Variants in TXNL4A observed in about 807,000 individuals in gnomAD.
The protein encoded by TXNL4A is thioredoxin like 4A.
A neutral mutation model predicts 14.6 loss-of-function variants in TXNL4A; 17 were observed. The ratio of observed to expected loss-of-function variants is 1.16; its 90% CI spans 0.80 to 1.74. TXNL4A has a LOEUF of 1.74. Among genes scored for constraint, TXNL4A ranks in the 40% most tolerant of loss-of-function variants. TXNL4A has a pLI of 0.00. For synonymous variants in TXNL4A, 83 were observed against 70.6 expected (o/e 1.18, Z -0.88); for missense variants, 74 against 195.2 (o/e 0.38, Z 3.70).
At chr18:80,028,676 A>C (rs1325092853) in intron 1 of TXNL4A, among the ~76,000 whole-genome samples, 3 of 152,226 alleles carry the variant, frequency 2.0e-5, no homozygotes, top group Non-Finnish European at 4.4e-5. Context: ...AAGCCAGATC[A>C]TCTCAAGTGG....
chr18:79,974,686 C>A (rs1348460156), intron 2 of TXNL4A, among the ~76,000 whole-genome samples: 2 of 152,056 alleles, frequency 1.3e-5, no homozygotes, highest in Non-Finnish European at 2.9e-5. Flanking sequence ...CCCATGTTGG[C>A]CAGGCTGGTC....
At chr18:80,005,657 G>C (rs1441573207) in intron 1 of TXNL4A, among the ~76,000 whole-genome samples, 9 of 152,210 alleles carry the variant, frequency 5.9e-5, no homozygotes, top group African/African-American at 2.2e-4. Context: ...GCTCACATCT[G>C]TAATCCCAAC....
chr18:79,991,749 T>G (rs2051629690), upstream of TXNL4A, among the ~76,000 whole-genome samples: 1 of 152,240 alleles, frequency 6.6e-6, no homozygotes, highest in African/African-American at 2.4e-5. Flanking sequence ...TTTTCCACAT[T>G]CTTGCCCATG....
At chr18:80,014,275 T>C (rs999963663) in intron 1 of TXNL4A, among the ~76,000 whole-genome samples, 2 of 152,174 alleles carry the variant, frequency 1.3e-5, no homozygotes, top group South Asian at 4.1e-4. Context: ...CAAAAGTCCA[T>C]AGTCCAAAGT....
intron 1 of TXNL4A, among the ~76,000 whole-genome samples, chr18:80,012,830 A>AT (rs780269210): frequency 4.2e-3 from 601 of 143,250 alleles, no homozygotes; most frequent in Middle Eastern, 0.011. Flanking sequence ...CTTCCATTAA[A>AT]TTTTTTTTTT....
upstream of TXNL4A, among the ~76,000 whole-genome samples, chr18:79,991,047 G>A (rs186394428): frequency 4.3e-4 from 64 of 147,586 alleles, no homozygotes; most frequent in African/African-American, 1.5e-3. Context: ...GGCGGAGCTT[G>A]CAGTGAGCCG....
Position 79,988,397 on chromosome 18 carries a change from G to A in TXNL4A, c.-5C>T. The A allele has an allele frequency of 6.9e-7, 1 of 1,449,200 alleles. No individual in the cohort carries two copies. The highest frequency in any genetic ancestry group is 9.2e-7 in the Non-Finnish European group (1 of 1,081,980). The allele number at this position is 1,449,200 out of a possible 1,614,324, so 89.8% of individuals were successfully genotyped here. ...GTGCGGGAGCATGTACGACATGGCG[G>A]CCCGCGCGCTCGCCGCCGCCCAAGG... On this transcript the variant is annotated 5_prime_UTR_variant, in exon 1 of 3. Coordinates refer to ENST00000269601, the MANE Select transcript of TXNL4A (RefSeq NM_006701.5).
At chr18:80,018,694 ATAC>A in intron 1 of TXNL4A, among the ~76,000 whole-genome samples, 1 of 152,352 alleles carries the variant, frequency 6.6e-6, no homozygotes, top group African/African-American at 2.4e-5. Context: ...CCATCAGAGA[ATAC>A]TACAAACACC....
At chr18:80,007,416 G>A (rs907073085) in intron 1 of TXNL4A, among the ~76,000 whole-genome samples, 8 of 152,154 alleles carry the variant, frequency 5.3e-5, no homozygotes, top group African/African-American at 9.7e-5. Flanking sequence ...AGAGAGAGTC[G>A]GAGAGAAACA....
At chr18:79,979,001 G>T (rs987833676) in intron 1 of TXNL4A, among the ~76,000 whole-genome samples, 2 of 151,024 alleles carry the variant, frequency 1.3e-5, no homozygotes, top group African/African-American at 4.9e-5. Flanking sequence ...GCAGTTGCAT[G>T]ATCTTGGCTC....
At chr18:79,986,578 C>G in intron 1 of TXNL4A, 1 of 985,452 alleles carries the variant, frequency 1.0e-6, no homozygotes, top group South Asian at 4.7e-5. Context: ...AAGAGCAAAT[C>G]TGGCAAAGAC....
chr18:80,005,776 T>G (rs530350125), intron 1 of TXNL4A, among the ~76,000 whole-genome samples: 25 of 152,132 alleles, frequency 1.6e-4, no homozygotes, highest in African/African-American at 5.1e-4. Context: ...TTAGCCAGCA[T>G]GATGGTGCAT....
chr18:80,028,451 T>G (rs1243289348), intron 1 of TXNL4A, among the ~76,000 whole-genome samples: 1 of 151,858 alleles, frequency 6.6e-6, no homozygotes, highest in Non-Finnish European at 1.5e-5. Flanking sequence ...CTGGCCACTC[T>G]CTTGTCAGGC....
In TXNL4A at chr18:79,971,876, C is replaced by CAG. The variant is rs1203531440; in HGVS notation, c.*1807_*1808dup. 1 of 152,130 alleles carries CAG rather than the reference C, an allele frequency of 6.6e-6. No homozygotes were observed. Among genetic ancestry groups the CAG allele is most frequent in the Non-Finnish European group, 1.5e-5 (1 of 68,036 alleles). The allele number at this position is 152,130 out of a possible 1,614,324, so 9.4% of individuals were successfully genotyped here. A position where few individuals can be genotyped will look rare whatever the true frequency, so the allele number is the denominator to read the frequency against. On this transcript the variant is annotated 3_prime_UTR_variant, in exon 3 of 3. Coordinates refer to ENST00000269601, the MANE Select transcript of TXNL4A (RefSeq NM_006701.5). ...TGTTTCACCTGCTCTGGAGAAATAG[C>CAG]AGGAGTGTAATACTGAGTGTCTGTT...
At chr18:79,987,415 A>G (rs1024840047) in intron 1 of TXNL4A, among the ~76,000 whole-genome samples, 1 of 152,228 alleles carries the variant, frequency 6.6e-6, no homozygotes, top group Non-Finnish European at 1.5e-5. Flanking sequence ...AGATAGCTTC[A>G]ATGTTACTTT....
intron 1 of TXNL4A, among the ~76,000 whole-genome samples, chr18:80,004,911 C>G (rs2051719861): frequency 6.6e-6 from 1 of 152,084 alleles, no homozygotes; most frequent in African/African-American, 2.4e-5. Context: ...AGAACAGAAG[C>G]CAGGGAAATT....
At chr18:79,989,998 AAAC>A (rs757330162), upstream of TXNL4A, among the ~76,000 whole-genome samples, 109 of 152,324 alleles carry the variant, frequency 7.2e-4, 1 homozygote, top group Middle Eastern at 3.4e-3. Flanking sequence ...TCCATCTCAA[AAAC>A]AACAACAAAT....
At chr18:79,976,314 A>G (rs915613828) in intron 2 of TXNL4A, among the ~76,000 whole-genome samples, 7 of 152,256 alleles carry the variant, frequency 4.6e-5, no homozygotes, top group African/African-American at 1.7e-4. Flanking sequence ...CTCTAAAACC[A>G]GAGCATTTTC....
In TXNL4A at chr18:79,988,304, A is replaced by C; in HGVS notation, c.89T>G (p.Phe30Cys). ...SEEDRVVVIR[F>C]GHDWDPTCMK... ...GCACGTAGGATCCCAGTCGTGGCCGAAGCGGATGACGACCACGCGGTCCTC... is the reference window on the plus strand; with the variant it reads ...GCACGTAGGATCCCAGTCGTGGCCGCAGCGGATGACGACCACGCGGTCCTC... The change falls in exon 1 of 3, where the codon TTC becomes TGC. Residue 30 changes from phenylalanine (F) to cysteine (C), a missense_variant. By Grantham distance (205) the Phe-to-Cys change is radical (BLOSUM62 -2). Coordinates refer to ENST00000269601, the MANE Select transcript of TXNL4A (RefSeq NM_006701.5). The C allele has an allele frequency of 1.2e-6, 2 of 1,604,288 alleles. No individual in the cohort carries two copies. Among genetic ancestry groups the C allele is most frequent in the Non-Finnish European group, 1.7e-6 (2 of 1,174,238 alleles).
Sources: allele counts gnomAD v4.1 joint callset (sites outside exome capture counted in the v4.1 genomes callset), GRCh38; gene constraint gnomAD v4.1.1; transcripts MANE v1.5; gene names NCBI Gene and HGNC (gene_info 2026-07-23, HGNC 2026-07-21).